The following CWC27 variants were observed in gnomAD, a reference collection of about 807,000 sequenced individuals.
CWC27 encodes CWC27 spliceosome associated cyclophilin.
In CWC27, 47 loss-of-function variants were observed where a neutral mutation model predicts 63.6. That is an observed-to-expected ratio of 0.74 (90% CI 0.58 to 0.94). The LOEUF is 0.94. Ranked by LOEUF, CWC27 falls within the 40% of genes least tolerant of loss-of-function variation. CWC27 has a pLI of 0.00. For synonymous variants in CWC27, 175 were observed against 179.8 expected (o/e 0.97, Z 0.22); for missense variants, 495 against 554.3 (o/e 0.89, Z 1.07).
chr5:64,976,631 C>T (rs928195487), intron 12 of CWC27, among the ~76,000 whole-genome samples: 1 of 152,092 alleles, frequency 6.6e-6, no homozygotes, highest in Non-Finnish European at 1.5e-5. Flanking sequence ...CTCCTAGGCT[C>T]AAGGGATCCT....
Position 64,782,320 on chromosome 5 carries a change from C to T in CWC27, c.252+287C>T, listed in dbSNP as rs376718377. ...AAAATTAGCCAGGCATGGTGGCACA[C>T]GCCTGTATTCCCAGCTACTCAGGAG... On this transcript the variant is annotated intron_variant, in intron 3 of 13. Transcript: ENST00000381070. Among the ~76,000 whole-genome samples, 13 of 152,088 alleles carry T rather than the reference C, an allele frequency of 8.5e-5. No homozygotes were observed. In the South Asian group the frequency reaches 1.7e-3, roughly 19 times the overall value.
chr5:64,924,956 G>GACACAC lies in CWC27; in HGVS notation c.1042+39437_1042+39442dup, dbSNP rs36083384. 5.7e-3 allele frequency among the ~76,000 whole-genome samples: 826 copies of GACACAC among 145,550 alleles called. 6 individuals are homozygous for GACACAC. Among genetic ancestry groups the GACACAC allele is most frequent in the African/African-American group, 0.019 (761 of 39,820 alleles). The stretch of plus-strand genomic sequence containing the variant: ...ACTCTTTCCCTCTCTGTCTTTCTTA[G>GACACAC]ACACACACACACACACACACACACA... On this transcript the variant is annotated intron_variant, in intron 11 of 13. Transcript: ENST00000381070.
chr5:64,970,597 A>T (rs1165877525), intron 11 of CWC27, among the ~76,000 whole-genome samples: 1 of 152,180 alleles, frequency 6.6e-6, no homozygotes, highest in African/African-American at 2.4e-5. Context: ...TTTACTAGGC[A>T]TGTGTGCCTT....
chr5:64,804,083 G>A (rs1580619664), intron 9 of CWC27, 146 bp from the exon 10 acceptor site: 1 of 698,228 alleles, frequency 1.4e-6, no homozygotes, highest in Middle Eastern at 4.3e-4. Context: ...ATTCTTCAAG[G>A]GCTTATAATT....
At chr5:64,889,260 C>T (rs886682869) in intron 11 of CWC27, among the ~76,000 whole-genome samples, 1 of 152,062 alleles carries the variant, frequency 6.6e-6, no homozygotes, top group Non-Finnish European at 1.5e-5. Flanking sequence ...CTGATAAGGT[C>T]TATAGTTAGT....
chr5:64,907,703 A>G (rs376690266), intron 11 of CWC27, among the ~76,000 whole-genome samples: 13 of 152,280 alleles, frequency 8.5e-5, no homozygotes, highest in African/African-American at 2.9e-4. Context: ...ACACTATGTT[A>G]AATAGGAGTG....
chr5:64,797,862 C>A (rs919440032), intron 7 of CWC27, among the ~76,000 whole-genome samples: 1 of 152,036 alleles, frequency 6.6e-6, no homozygotes, highest in African/African-American at 2.4e-5. Flanking sequence ...ATTAATGGAC[C>A]AAGAGCTTAC....
intron 10 of CWC27, among the ~76,000 whole-genome samples, chr5:64,821,622 G>T (rs1745199398): frequency 6.6e-6 from 1 of 152,132 alleles, no homozygotes; most frequent in South Asian, 2.1e-4. Context: ...CTAACCCTTA[G>T]TTTTTTGTTT....
chr5:64,847,377 A>G (rs1293477703), intron 10 of CWC27, among the ~76,000 whole-genome samples: 1 of 152,250 alleles, frequency 6.6e-6, no homozygotes, highest in African/African-American at 2.4e-5. Context: ...TGGAGCATCT[A>G]AATATATAAA....
At chr5:64,997,020 C>T (rs779498206) in intron 13 of CWC27, among the ~76,000 whole-genome samples, 5 of 152,058 alleles carry the variant, frequency 3.3e-5, no homozygotes, top group Non-Finnish European at 5.9e-5. Context: ...CAAAAACTGT[C>T]TAAGTCCCCT....
intron 10 of CWC27, among the ~76,000 whole-genome samples, chr5:64,817,067 C>T (rs1261909897): frequency 6.6e-6 from 1 of 152,090 alleles, no homozygotes; most frequent in African/African-American, 2.4e-5. Flanking sequence ...GTCCTCATAT[C>T]CTTTTACTTT....
intron 3 of CWC27, 57 bp downstream of exon 3, chr5:64,782,090 C>A: frequency 4.3e-6 from 4 of 927,732 alleles, no homozygotes; most frequent in South Asian, 2.0e-5. Context: ...ATTTCCAAGT[C>A]AGTTTGGATT....
In CWC27 at chr5:64,904,856, C is replaced by A. The variant is rs117930735; in HGVS notation, c.1042+19310C>A. Among the ~76,000 whole-genome samples, 367 of 152,228 alleles carry A rather than the reference C, an allele frequency of 2.4e-3. 11 individuals are homozygous for A. In the East Asian group the frequency reaches 0.065, roughly 27 times the overall value. On this transcript the variant is annotated intron_variant, in intron 11 of 13. Transcript: ENST00000381070. The stretch of plus-strand genomic sequence containing the variant: ...CATAGGAATTTAATTGTAAGACCTA[C>A]CTATATGCAACCTCGAGATACTAGA...
At position 64,995,973 on chromosome 5, in the gene CWC27, A is replaced by C. The variant is rs151244013; in HGVS notation, c.1256+18735A>C. On this transcript the variant is annotated intron_variant, in intron 13 of 13. Coordinates refer to ENST00000381070, the MANE Select transcript of CWC27 (RefSeq NM_005869.4). ...GCAGCCCCAGTGCCAAGAAGGAAAT[A>C]ATTAGTTTTTAGACAAACCCTTCAA... Among the ~76,000 whole-genome samples, 69 of 152,324 alleles carry C rather than the reference A, an allele frequency of 4.5e-4. 1 individual carries two copies. The highest frequency in any genetic ancestry group is 1.5e-3 in the African/African-American group (64 of 41,584).
At chr5:64,837,802 C>T (rs1236289184) in intron 10 of CWC27, among the ~76,000 whole-genome samples, 2 of 151,820 alleles carry the variant, frequency 1.3e-5, no homozygotes, top group African/African-American at 2.4e-5. Context: ...AAATAGTTGT[C>T]GCCGATCATA....
intron 11 of CWC27, 152 bp downstream of exon 11, chr5:64,885,698 GGTGT>G (rs143055779): frequency 1.1e-3 from 284 of 261,426 alleles, no homozygotes; most frequent in African/African-American, 2.6e-3. Flanking sequence ...CTTGAGTTAG[GGTGT>G]GTGTGTGTGT....
At chr5:64,807,538 A>G (rs945760309) in intron 10 of CWC27, 29 of 1,459,906 alleles carry the variant, frequency 2.0e-5, no homozygotes, top group Non-Finnish European at 2.5e-5. Flanking sequence ...CTGACTTCCT[A>G]GGATTTCTAA....
intron 11 of CWC27, among the ~76,000 whole-genome samples, chr5:64,930,401 TA>T (rs975746496): frequency 2.0e-5 from 3 of 151,982 alleles, no homozygotes; most frequent in African/African-American, 7.2e-5. Context: ...TTTATCTTGA[TA>T]AAAAGTGCAA....
intron 10 of CWC27, among the ~76,000 whole-genome samples, chr5:64,841,909 A>G (rs1195299893): frequency 6.6e-6 from 1 of 152,018 alleles, no homozygotes; most frequent in African/African-American, 2.4e-5. Context: ...CGAACTCCCA[A>G]CCTCAGGTTA....
Sources: allele counts gnomAD v4.1 joint callset (sites outside exome capture counted in the v4.1 genomes callset), GRCh38; gene constraint gnomAD v4.1.1; transcripts MANE v1.5; gene names NCBI Gene and HGNC (gene_info 2026-07-23, HGNC 2026-07-21).